EML4: variants seen among roughly 807,000 people sequenced by gnomAD.
EML4 encodes the protein echinoderm microtubule-associated protein-like 4.
EML4 carries 72 observed loss-of-function variants against 129.0 expected under a neutral mutation model. The observed-to-expected ratio is 0.56, with a 90% confidence interval of 0.46 to 0.68. The LOEUF is 0.68. Among genes scored for constraint, EML4 ranks in the 30% least tolerant of loss-of-function variants. The pLI is 0.00. For missense variants in EML4, 1,363 were observed against 1,190.6 expected, an observed-to-expected ratio of 1.14 and a Z score of -2.13; for synonymous variants, 532 against 405.0, an observed-to-expected ratio of 1.31 and a Z score of -3.77.
intron 3 of EML4, among the ~76,000 whole-genome samples, chr2:42,258,677 G>T (rs944806028): frequency 2.0e-5 from 3 of 152,118 alleles, no homozygotes; most frequent in African/African-American, 7.2e-5. Context: ...TGGGATTACA[G>T]GTGTGAGCCA....
chr2:42,306,233 C>G (rs1210493344), intron 17 of EML4, among the ~76,000 whole-genome samples: 1 of 152,094 alleles, frequency 6.6e-6, no homozygotes, highest in East Asian at 1.9e-4. Flanking sequence ...GGTCCATTCT[C>G]TTTGAGAAAG....
At chr2:42,274,123 A>T (rs1284077303) in intron 6 of EML4, among the ~76,000 whole-genome samples, 1 of 152,186 alleles carries the variant, frequency 6.6e-6, no homozygotes, top group Non-Finnish European at 1.5e-5. Flanking sequence ...GACTGATAGT[A>T]TCAGAAAAAA....
At chr2:42,246,786 C>T (rs940224858) in intron 2 of EML4, among the ~76,000 whole-genome samples, 2 of 152,088 alleles carry the variant, frequency 1.3e-5, no homozygotes, top group African/African-American at 4.8e-5. Flanking sequence ...TTCAGCATAG[C>T]ACAAAAAGTG....
intron 6 of EML4, among the ~76,000 whole-genome samples, chr2:42,267,637 C>T (rs191876031): frequency 2.0e-5 from 3 of 152,190 alleles, no homozygotes; most frequent in Admixed American, 6.5e-5. Context: ...TTCCAGTCAC[C>T]ACTTAGGCAG....
At chr2:42,300,925 T>C (rs1224448896) in intron 13 of EML4, among the ~76,000 whole-genome samples, 1 of 152,216 alleles carries the variant, frequency 6.6e-6, no homozygotes, top group Non-Finnish European at 1.5e-5. Context: ...TTATGAGAGA[T>C]AGTAAAGTTC....
intron 1 of EML4, among the ~76,000 whole-genome samples, chr2:42,220,846 T>G (rs916248316): frequency 6.6e-6 from 1 of 152,196 alleles, no homozygotes; most frequent in Non-Finnish European, 1.5e-5. Flanking sequence ...ATACGGAGAA[T>G]GTTTGCATGT....
intron 1 of EML4, among the ~76,000 whole-genome samples, chr2:42,220,183 C>G (rs1452772702): frequency 2.0e-5 from 3 of 151,254 alleles, no homozygotes; most frequent in Admixed American, 6.6e-5. Context: ...ATATCAAATT[C>G]AGGCATACTT....
chr2:42,303,775 A>G (rs1668437681), intron 16 of EML4, among the ~76,000 whole-genome samples: 1 of 152,120 alleles, frequency 6.6e-6, no homozygotes, highest in South Asian at 2.1e-4. Context: ...AATACAAAAA[A>G]TTAGCCAGGC....
chr2:42,282,285 T>A (rs1667053974), intron 7 of EML4, among the ~76,000 whole-genome samples: 1 of 151,902 alleles, frequency 6.6e-6, no homozygotes, highest in Non-Finnish European at 1.5e-5. Context: ...CATTAGGATT[T>A]CAATACATAT....
At chr2:42,232,021 A>C (rs958203867) in intron 1 of EML4, among the ~76,000 whole-genome samples, 6 of 151,952 alleles carry the variant, frequency 3.9e-5, no homozygotes, top group Non-Finnish European at 8.8e-5. Context: ...TTAAATTCTC[A>C]GCACTTTGAA....
intron 9 of EML4, 95 bp from the exon 10 acceptor site, chr2:42,286,174 C>A (rs1256799279): frequency 1.3e-6 from 1 of 773,742 alleles, no homozygotes; most frequent in Non-Finnish European, 2.4e-6. Context: ...GCTTATCCAT[C>A]CCTATTACTT....
chr2:42,190,499 C>G (rs897630616), intron 1 of EML4, among the ~76,000 whole-genome samples: 3 of 152,096 alleles, frequency 2.0e-5, no homozygotes, highest in Non-Finnish European at 4.4e-5. Flanking sequence ...CTTGGTAGTA[C>G]TATTTAGTGA....
intron 13 of EML4, among the ~76,000 whole-genome samples, chr2:42,298,127 T>C (rs1346012439): frequency 6.6e-6 from 1 of 152,234 alleles, no homozygotes; most frequent in African/African-American, 2.4e-5. Context: ...TCTTAAGTCT[T>C]GCAAAGGAGC....
intron 1 of EML4, among the ~76,000 whole-genome samples, chr2:42,231,016 A>G (rs898659595): frequency 6.6e-6 from 1 of 152,204 alleles, no homozygotes; most frequent in Non-Finnish European, 1.5e-5. Flanking sequence ...TCAGCTTTGC[A>G]GACACTCTCT....
At chr2:42,290,090 AAATAAT>A (rs1667543097) in intron 11 of EML4, among the ~76,000 whole-genome samples, 2 of 151,952 alleles carry the variant, frequency 1.3e-5, no homozygotes, top group Admixed American at 6.6e-5. Flanking sequence ...TCGTCTCAAA[AAATAAT>A]AAAAATAAAG....
intron 2 of EML4, among the ~76,000 whole-genome samples, chr2:42,251,229 G>T (rs1029728898): frequency 1.3e-5 from 2 of 152,082 alleles, no homozygotes; most frequent in Non-Finnish European, 2.9e-5. Flanking sequence ...GTAACACAAT[G>T]GTAAGTATAT....
chr2:42,206,014 T>C (rs930315829), intron 1 of EML4, among the ~76,000 whole-genome samples: 6 of 152,204 alleles, frequency 3.9e-5, no homozygotes, highest in African/African-American at 1.4e-4. Flanking sequence ...TGCCTCTGAA[T>C]TTCTAGCACT....
At chr2:42,231,747 A>T (rs1674359869) in intron 1 of EML4, among the ~76,000 whole-genome samples, 1 of 152,178 alleles carries the variant, frequency 6.6e-6, no homozygotes, top group African/African-American at 2.4e-5. Context: ...CAGGAGATCG[A>T]GACCATCCTG....
intron 1 of EML4, among the ~76,000 whole-genome samples, chr2:42,193,054 T>C (rs1012137756): frequency 1.3e-5 from 2 of 152,208 alleles, no homozygotes; most frequent in African/African-American, 4.8e-5. Context: ...CAGTACAATA[T>C]GTTTCATAGT....
Sources: gnomAD v4.1 joint callset for allele counts (sites outside exome capture counted in the v4.1 genomes callset) on GRCh38, gnomAD v4.1.1 for gene constraint, MANE v1.5 for transcripts, NCBI Gene and HGNC (gene_info 2026-07-23, HGNC 2026-07-21) for gene names.